THRB: variants seen among roughly 807,000 people sequenced by gnomAD.
THRB encodes the protein nuclear receptor subfamily 1 group A member 2.
Under a neutral mutation model 47.8 loss-of-function variants are expected in THRB, and 12 were observed. That is an observed-to-expected ratio of 0.25 (90% CI 0.16 to 0.41). The LOEUF is 0.41. Among genes scored for constraint, THRB ranks in the 10% least tolerant of loss-of-function variants. THRB has a pLI of 1.00. For missense variants in THRB, 348 were observed against 589.2 expected, an observed-to-expected ratio of 0.59 and a Z score of 4.24; for synonymous variants, 218 against 212.2, an observed-to-expected ratio of 1.03 and a Z score of -0.24.
In THRB at chr3:24,287,367, T is replaced by C. The variant is rs558613960; in HGVS notation, c.-43+9859A>G. 2.0e-5 allele frequency among the ~76,000 whole-genome samples: 3 copies of C among 152,328 alleles called. No individual in the cohort carries two copies. The South Asian group carries it at 6.2e-4, about 32-fold the overall frequency. ...AAAGAACCTGCAGTTGGACTGTATG[T>C]TTGTCACAGTATTTTTATGTGCATT... On this transcript the variant is annotated intron_variant, in intron 3 of 10. Coordinates refer to ENST00000646209, the MANE Select transcript of THRB (RefSeq NM_001354712.2).
chr3:24,475,702 A>C (rs542197161), intron 1 of THRB, among the ~76,000 whole-genome samples: 5 of 152,202 alleles, frequency 3.3e-5, no homozygotes, highest in Non-Finnish European at 7.3e-5. Context: ...CAGGTATCTC[A>C]TCTTCACTAT....
chr3:24,127,869 C>T, intron 9 of THRB, 112 bp from the exon 10 acceptor site: 4 of 1,284,402 alleles, frequency 3.1e-6, no homozygotes, highest in Non-Finnish European at 4.5e-6. Flanking sequence ...AACATTTGTC[C>T]TGCATTCTTT....
chr3:24,412,463 T>C (rs573135910), intron 1 of THRB, among the ~76,000 whole-genome samples: 23 of 151,864 alleles, frequency 1.5e-4, no homozygotes, highest in African/African-American at 5.5e-4. Context: ...TTTAGGAGCT[T>C]GGGAAAAGTT....
intron 3 of THRB, among the ~76,000 whole-genome samples, chr3:24,281,380 C>G (rs1431106680): frequency 4.6e-5 from 7 of 151,880 alleles, no homozygotes; most frequent in Admixed American, 2.0e-4. Context: ...TACAGACAAG[C>G]AAATGCTGAG....
chr3:24,367,320 T>C (rs570334966), intron 1 of THRB, among the ~76,000 whole-genome samples: 9 of 152,334 alleles, frequency 5.9e-5, no homozygotes, highest in Admixed American at 3.3e-4. Flanking sequence ...GAGTAAGGGA[T>C]GGTAAAAACC....
At chr3:24,281,217 C>G (rs1462806179) in intron 3 of THRB, among the ~76,000 whole-genome samples, 1 of 152,052 alleles carries the variant, frequency 6.6e-6, no homozygotes, top group African/African-American at 2.4e-5. Context: ...AAGGGAAGCC[C>G]ATCAGACTAA....
At chr3:24,438,536 T>TGC (rs1553760750) in intron 1 of THRB, among the ~76,000 whole-genome samples, 6 of 150,952 alleles carry the variant, frequency 4.0e-5, no homozygotes, top group Admixed American at 2.0e-4. Flanking sequence ...TGTGTGTGTG[T>TGC]GCACATGCAT....
intron 8 of THRB, 95 bp downstream of exon 8, chr3:24,143,406 A>C: frequency 8.1e-7 from 1 of 1,233,140 alleles, no homozygotes; most frequent in African/African-American, 1.5e-5. Flanking sequence ...AAAATGAGGC[A>C]ATAACACCAG....
At position 24,120,070 on chromosome 3, in the gene THRB, T is replaced by C. The variant is rs1479490709; in HGVS notation, c.*2814A>G. ...CAAGTCTGGACAATAGATGAAAAAA[T>C]GTTTAGAAAAATCTAGAGCAAATCC... On this transcript the variant is annotated 3_prime_UTR_variant, in exon 11 of 11. Transcript: ENST00000646209. 5 of 152,064 alleles carry C rather than the reference T, an allele frequency of 3.3e-5. No homozygotes were observed. The highest frequency in any genetic ancestry group is 1.2e-4 in the African/African-American group (5 of 41,382). The allele number at this position is 152,064 out of a possible 1,614,324, so 9.4% of individuals were successfully genotyped here.
At chr3:24,403,503 A>C (rs1034246858) in intron 1 of THRB, among the ~76,000 whole-genome samples, 4 of 141,734 alleles carry the variant, frequency 2.8e-5, no homozygotes, top group Non-Finnish European at 4.7e-5. Context: ...TATTTTCATA[A>C]TACTACTAAG....
At chr3:24,304,850 T>A (rs1187690882) in intron 2 of THRB, among the ~76,000 whole-genome samples, 1 of 152,124 alleles carries the variant, frequency 6.6e-6, no homozygotes, top group Admixed American at 6.5e-5. Flanking sequence ...TGAAAATGAT[T>A]ATTAAGAAAG....
At chr3:24,219,421 G>A (rs932593803) in intron 4 of THRB, among the ~76,000 whole-genome samples, 5 of 152,234 alleles carry the variant, frequency 3.3e-5, no homozygotes, top group African/African-American at 1.2e-4. Flanking sequence ...TTGGAGTGCA[G>A]GCCTGAAGGA....
intron 1 of THRB, among the ~76,000 whole-genome samples, chr3:24,362,406 T>A (rs1218321985): frequency 6.6e-6 from 1 of 152,180 alleles, no homozygotes; most frequent in African/African-American, 2.4e-5. Context: ...TTCCCCTAGA[T>A]ATGCACAAGC....
intron 2 of THRB, among the ~76,000 whole-genome samples, chr3:24,303,329 A>C (rs2057092060): frequency 6.6e-6 from 1 of 152,200 alleles, no homozygotes; most frequent in Non-Finnish European, 1.5e-5. Flanking sequence ...GTCAGCAAAC[A>C]TGATGCCTGA....
chr3:24,245,255 C>G lies in THRB; in HGVS notation c.-42-16254G>C, dbSNP rs961431026. ...GAGAAACTTGCCCTTTGTGACCCAG[C>G]TGGCAAGGGGAAGAGTTAGACTGCC... On this transcript the variant is annotated intron_variant, in intron 3 of 10. Coordinates refer to ENST00000646209, the MANE Select transcript of THRB (RefSeq NM_001354712.2). Among the ~76,000 whole-genome samples, 5 of 93,210 alleles carry G rather than the reference C, an allele frequency of 5.4e-5. No individual in the cohort carries two copies. In the Middle Eastern group the frequency reaches 0.022, roughly 405 times the overall value. The allele number at this position is 93,210 out of a possible 152,430, so 61.1% of individuals were successfully genotyped here.
In THRB at chr3:24,317,406, C is replaced by T. The variant is rs189218106; in HGVS notation, c.-189+19894G>A. Among the ~76,000 whole-genome samples, 55 of 152,236 alleles carry T rather than the reference C, an allele frequency of 3.6e-4. No individual in the cohort carries two copies. In the South Asian group the frequency reaches 7.7e-3, roughly 21 times the overall value. ...CCCATGGCTGCCTCTGTTGTGCTCA[C>T]GGCAGAAGGTTCCCAACACCATCAG... On this transcript the variant is annotated intron_variant, in intron 2 of 10. Coordinates refer to ENST00000646209, the MANE Select transcript of THRB (RefSeq NM_001354712.2).
intron 1 of THRB, among the ~76,000 whole-genome samples, chr3:24,482,534 T>TCTCC (rs752258843): frequency 7.0e-6 from 1 of 142,414 alleles, no homozygotes; most frequent in African/African-American, 2.9e-5. Context: ...TTTCTTTCTG[T>TCTCC]CTCCCTCTCT....
chr3:24,313,122 G>T (rs552938661), intron 2 of THRB, among the ~76,000 whole-genome samples: 1 of 152,052 alleles, frequency 6.6e-6, no homozygotes, highest in Admixed American at 6.6e-5. Flanking sequence ...GAATGGTGCC[G>T]CCATTTACTG....
chr3:24,270,636 G>T (rs890848658), intron 3 of THRB, among the ~76,000 whole-genome samples: 1 of 152,278 alleles, frequency 6.6e-6, no homozygotes, highest in African/African-American at 2.4e-5. Flanking sequence ...AGCTAACGGG[G>T]GTCAGTTCAT....
Sources: gnomAD v4.1 joint callset for allele counts (sites outside exome capture counted in the v4.1 genomes callset) on GRCh38, gnomAD v4.1.1 for gene constraint, MANE v1.5 for transcripts, NCBI Gene and HGNC (gene_info 2026-07-23, HGNC 2026-07-21) for gene names.